ARID1A: variants seen among roughly 807,000 people sequenced by gnomAD.
ARID1A encodes AT-rich interactive domain-containing protein 1A.
In ARID1A, 20 loss-of-function variants were observed where a neutral mutation model predicts 212.6. The observed-to-expected ratio is 0.09, with a 90% CI of 0.07 to 0.14. The LOEUF is 0.14. Ranked by LOEUF, ARID1A falls within the 10% of genes least tolerant of loss-of-function variation. The pLI, the probability that ARID1A is intolerant of heterozygous loss-of-function variation, is 1.00. For missense variants in ARID1A, 2,587 were observed against 3,059.0 expected (o/e 0.85, Z 3.64); for synonymous variants, 1,376 against 1,222.1 (o/e 1.13, Z -2.63).
At chr1:26,733,690 G>A (rs566959808) in intron 4 of ARID1A, among the ~76,000 whole-genome samples, 1 of 152,256 alleles carries the variant, frequency 6.6e-6, no homozygotes, top group South Asian at 2.1e-4. Context: ...AGGCTACTCT[G>A]AAATCTAGTC....
chr1:26,754,802 AG>A (rs1259748157), intron 4 of ARID1A, among the ~76,000 whole-genome samples: 2 of 152,170 alleles, frequency 1.3e-5, no homozygotes, highest in Non-Finnish European at 2.9e-5. Context: ...CAATCTCTTT[AG>A]GCATCAGCTT....
intron 1 of ARID1A, among the ~76,000 whole-genome samples, chr1:26,724,086 TA>T (rs200946402): frequency 2.0e-5 from 3 of 152,192 alleles, no homozygotes; most frequent in Non-Finnish European, 4.4e-5. Context: ...TGCATTTTTT[TA>T]ATTATTATTA....
intron 1 of ARID1A, among the ~76,000 whole-genome samples, chr1:26,702,451 G>T (rs771332212): frequency 1.8e-4 from 27 of 152,204 alleles, no homozygotes; most frequent in Admixed American, 1.6e-3. Flanking sequence ...AACAGTGTTT[G>T]ATAATTCTGT....
At chr1:26,712,379 T>G (rs569457875) in intron 1 of ARID1A, among the ~76,000 whole-genome samples, 5 of 152,104 alleles carry the variant, frequency 3.3e-5, no homozygotes, top group Non-Finnish European at 7.4e-5. Context: ...CTTGTGAAGT[T>G]TTAGTAAATA....
intron 4 of ARID1A, among the ~76,000 whole-genome samples, chr1:26,747,561 G>A (rs540883094): frequency 1.9e-4 from 29 of 152,138 alleles, no homozygotes; most frequent in African/African-American, 7.0e-4. Context: ...AGGGATCAGT[G>A]GCCAGGTGTG....
intron 12 of ARID1A, chr1:26,772,217 T>C (rs529372045): frequency 7.1e-5 from 31 of 436,044 alleles, no homozygotes; most frequent in Non-Finnish European, 1.2e-4. Context: ...TGAAGAGAAA[T>C]AGCCAGGGAA....
chr1:26,735,806 T>C (rs1226910721), intron 4 of ARID1A, among the ~76,000 whole-genome samples: 1 of 152,214 alleles, frequency 6.6e-6, no homozygotes, highest in African/African-American at 2.4e-5. Flanking sequence ...TGCTCTTGGC[T>C]TTCTTTCAGT....
chr1:26,779,152 A>G lies in ARID1A; in HGVS notation c.5254A>G (p.Lys1752Glu), dbSNP rs1348258521. 1 of 1,594,220 alleles carries G rather than the reference A, an allele frequency of 6.3e-7. No homozygotes were observed. The highest frequency in any genetic ancestry group is 8.6e-7 in the Non-Finnish European group (1 of 1,168,702). Residue 1752 changes from lysine to glutamate, a missense_variant, in exon 20 of 20, where the codon AAG becomes GAG. Physicochemically the swap from Lys to Glu is moderately conservative, Grantham distance 56 (BLOSUM62 1). Coordinates refer to ENST00000324856, the MANE Select transcript of ARID1A (RefSeq NM_006015.6). ...RTLLDPGRFS[K>E]VSSPAPMEGG... ...GCTACTGGATCCTGGGAGGTTCAGC[A>G]AGGTGTCTAGTCCAGCTCCCATGGA... is the stretch of plus-strand genomic sequence containing the variant.
Position 26,774,887 on chromosome 1 carries a change from C to G in ARID1A, c.4660C>G (p.Pro1554Ala), listed in dbSNP as rs2124121303. The change falls in exon 18 of 20, where the codon CCA (proline) becomes GCA (alanine). Residue 1554 changes from proline to alanine, a missense_variant. This residue lies in a region of ARID1A where 890 missense variants were observed against 1,098.2 expected (regional missense o/e 0.81). Coordinates refer to ENST00000324856, the MANE Select transcript of ARID1A (RefSeq NM_006015.6). The surrounding 1 kb of genome is among the most constrained non-coding windows in gnomAD (Gnocchi z 5.6). ...GCCTTCCCATGGCACACGCCAGCCC[C>G]CATATGGTCCCTCTGCCCCTGTGCC... Reference protein sequence around the residue: ...SWPSHGTRQPPYGPSAPVPPM... With the variant: ...SWPSHGTRQPAYGPSAPVPPM... The G allele has an allele frequency of 6.3e-7, 1 of 1,581,264 alleles. No homozygotes were observed.
chr1:26,771,045 G>C lies in ARID1A; in HGVS notation c.3199-74G>C, dbSNP rs114921256. On this transcript the variant is annotated intron_variant, in intron 11 of 19. Transcript: ENST00000324856. The surrounding 1 kb of genome is among the most constrained non-coding windows in gnomAD (Gnocchi z 5.4). ...TACAAAGATGAATACCTTACAGCCT[G>C]ATGGGGCTTGGGGCTTATGGGCAGG... 1,484 of 1,372,472 alleles carry C rather than the reference G, an allele frequency of 1.1e-3. 12 individuals are homozygous for C. The African/African-American group carries it at 0.019, about 17-fold the overall frequency. 85.0% of individuals were successfully genotyped at this position (1,372,472 alleles called of 1,614,324 possible).
intron 1 of ARID1A, among the ~76,000 whole-genome samples, chr1:26,707,986 C>T (rs1480905721): frequency 6.6e-6 from 1 of 152,076 alleles, no homozygotes; most frequent in Non-Finnish European, 1.5e-5. Context: ...TTTACAATAG[C>T]CTGAAACTCT....
chr1:26,738,959 C>T (rs2124800011), intron 4 of ARID1A, among the ~76,000 whole-genome samples: 1 of 147,894 alleles, frequency 6.8e-6, no homozygotes, highest in East Asian at 2.0e-4. Flanking sequence ...GCCATCTGGG[C>T]TCACTGCAAG....
intron 1 of ARID1A, among the ~76,000 whole-genome samples, chr1:26,711,296 A>G (rs1447789241): frequency 1.3e-5 from 2 of 151,674 alleles, no homozygotes; most frequent in East Asian, 1.9e-4. Flanking sequence ...ATTTATATAT[A>G]TTTTTTAGTA....
Position 26,775,200 on chromosome 1 carries a change from G to T in ARID1A, c.4973G>T (p.Arg1658Leu). 1 of 1,593,662 alleles carries T rather than the reference G, an allele frequency of 6.3e-7. No homozygotes were observed. The highest frequency in any genetic ancestry group is 1.7e-4 in the Middle Eastern group (1 of 5,952). The change falls in exon 18 of 20, where the codon CGG becomes CTG. Residue 1658 changes from arginine to leucine, a missense_variant. Arg to Leu is a moderately radical substitution (Grantham distance 102, BLOSUM62 -2). Transcript: ENST00000324856. Reference sequence around the variant, plus strand: ...CAGCCTGTGTTGAAGCAGAGGAGGCGGCTCACAATGAAAGACATTGGTAAG... The same window carrying T: ...CAGCCTGTGTTGAAGCAGAGGAGGCTGCTCACAATGAAAGACATTGGTAAG... ...ATQPVLKQRR[R>L]LTMKDIGTPE... is the part of the protein sequence containing the mutation.
intron 1 of ARID1A, among the ~76,000 whole-genome samples, chr1:26,705,811 G>C (rs1186858303): frequency 6.6e-6 from 1 of 152,174 alleles, no homozygotes; most frequent in Non-Finnish European, 1.5e-5. Context: ...GTTTTTGTTA[G>C]TCACTTGTGC....
chr1:26,696,419 G>A lies in ARID1A; in HGVS notation c.16G>A (p.Ala6Thr). The A allele has an allele frequency of 7.8e-7, 1 of 1,284,208 alleles. No homozygotes were observed. Among genetic ancestry groups the A allele is most frequent in the Non-Finnish European group, 9.8e-7 (1 of 1,017,476 alleles). 79.6% of individuals were successfully genotyped at this position (1,284,208 alleles called of 1,614,324 possible). ...AGCGGGGATCATGGCCGCGCAGGTC[G>A]CCCCCGCCGCCGCCAGCAGCCTGGG... MAAQV[A>T]PAAASSLGNP... The change falls in exon 1 of 20, where the codon GCC (alanine) becomes ACC (threonine). Residue 6 changes from alanine to threonine, a missense_variant. Physicochemically the swap from Ala to Thr is moderately conservative, Grantham distance 58. Around this residue, in one of 11 missense-constraint regions of ARID1A, gnomAD observed 735 missense variants for 590.6 expected, o/e 1.24. Coordinates refer to ENST00000324856, the MANE Select transcript of ARID1A (RefSeq NM_006015.6).
chr1:26,721,341 A>AGCT (rs1213764189), intron 1 of ARID1A, among the ~76,000 whole-genome samples: 1 of 152,104 alleles, frequency 6.6e-6, no homozygotes, highest in African/African-American at 2.4e-5. Context: ...CCTCCCAAGT[A>AGCT]GCTGGGACTA....
chr1:26,742,945 A>G (rs1170478416), intron 4 of ARID1A, among the ~76,000 whole-genome samples: 3 of 152,146 alleles, frequency 2.0e-5, no homozygotes, highest in Non-Finnish European at 4.4e-5. Context: ...ACTCCAGCCT[A>G]TGTGACAGAG....
rs372820096 is a variant in ARID1A at position 26,771,517 on chromosome 1, A to G, written c.3406+191A>G. ...TGGAAACTCCCTTGGGAGGTACTCT[A>G]CGGCAGCTCTTAAGTTTTAATTTTT... On this transcript the variant is annotated intron_variant, in intron 12 of 19. Coordinates refer to ENST00000324856, the MANE Select transcript of ARID1A (RefSeq NM_006015.6). The surrounding 1 kb of genome is among the most constrained non-coding windows in gnomAD (Gnocchi z 5.4). 6 of 613,416 alleles carry G rather than the reference A, an allele frequency of 9.8e-6. No homozygotes were observed. The highest frequency in any genetic ancestry group is 8.4e-5 in the East Asian group (3 of 35,760). The allele number at this position is 613,416 out of a possible 1,614,324, so 38.0% of individuals were successfully genotyped here.
Sources: allele counts gnomAD v4.1 joint callset (sites outside exome capture counted in the v4.1 genomes callset), GRCh38; gene constraint gnomAD v4.1.1; regional missense constraint gnomAD v4.1.1; non-coding constraint Gnocchi (gnomAD v3.1); transcripts MANE v1.5; gene names NCBI Gene and HGNC (gene_info 2026-07-23, HGNC 2026-07-21).